Variants in PCDH9 observed in about 807,000 individuals in gnomAD.
The protein encoded by PCDH9 is protocadherin 9.
A neutral mutation model predicts 70.6 loss-of-function variants in PCDH9; 24 were observed. The observed-to-expected ratio is 0.34, with a 90% CI of 0.25 to 0.48. The LOEUF is 0.48. PCDH9 is among the 20% of genes least tolerant of loss of function. The pLI, the probability that PCDH9 is intolerant of heterozygous loss-of-function variation, is 0.99. For synonymous variants in PCDH9, 562 were observed against 558.5 expected, an observed-to-expected ratio of 1.01 and a Z score of -0.09; for missense variants, 1,281 against 1,503.6, an observed-to-expected ratio of 0.85 and a Z score of 2.45.
intron 2 of PCDH9, among the ~76,000 whole-genome samples, chr13:66,978,131 G>T (rs140923303): frequency 0.011 from 1,623 of 152,154 alleles, 14 homozygotes; most frequent in Middle Eastern, 0.017. Context: ...ATAGTTTCAG[G>T]TTATTGATAG....
chr13:67,102,480 A>G (rs186726039), intron 2 of PCDH9, among the ~76,000 whole-genome samples: 1 of 152,304 alleles, frequency 6.6e-6, no homozygotes, highest in East Asian at 1.9e-4. Context: ...TTTTAATACT[A>G]AATAACAAAA....
At chr13:67,133,777 A>T (rs1002184008) in intron 2 of PCDH9, among the ~76,000 whole-genome samples, 1 of 152,104 alleles carries the variant, frequency 6.6e-6, no homozygotes, top group Non-Finnish European at 1.5e-5. Flanking sequence ...AAAAATCTTA[A>T]TAGTTAAGGT....
chr13:66,778,818 T>C (rs933472328), intron 3 of PCDH9, among the ~76,000 whole-genome samples: 1 of 152,214 alleles, frequency 6.6e-6, no homozygotes, highest in African/African-American at 2.4e-5. Flanking sequence ...CAGATTTTTA[T>C]GTTGTTAGTG....
intron 2 of PCDH9, among the ~76,000 whole-genome samples, chr13:67,168,447 G>A (rs2088182885): frequency 6.6e-6 from 1 of 152,122 alleles, no homozygotes; most frequent in African/African-American, 2.4e-5. Context: ...GAAAGGTCAA[G>A]CCACGCACAG....
intron 2 of PCDH9, among the ~76,000 whole-genome samples, chr13:67,129,312 T>TTATATATATA (rs1308301062): frequency 2.0e-5 from 3 of 152,204 alleles, no homozygotes; most frequent in Non-Finnish European, 4.4e-5. Flanking sequence ...ATATTCATGG[T>TTATATATATA]AATTATGCCT....
At chr13:66,504,608 C>A (rs893918995) in intron 4 of PCDH9, among the ~76,000 whole-genome samples, 1 of 152,244 alleles carries the variant, frequency 6.6e-6, no homozygotes, top group Admixed American at 6.5e-5. Context: ...ATTCATACAT[C>A]GATAGACTGA....
intron 3 of PCDH9, chr13:66,825,151 T>C (rs1470022582): frequency 2.0e-5 from 3 of 151,792 alleles, no homozygotes; most frequent in Admixed American, 2.0e-4. Context: ...AATGTTCTCA[T>C]TTTATTTAGT....
chr13:67,015,717 G>A (rs541132657), intron 2 of PCDH9, among the ~76,000 whole-genome samples: 66 of 152,226 alleles, frequency 4.3e-4, no homozygotes, highest in Middle Eastern at 3.4e-3. Context: ...CTATTCAACT[G>A]CTTTACATGT....
intron 2 of PCDH9, among the ~76,000 whole-genome samples, chr13:66,919,986 T>C (rs542433340): frequency 9.8e-4 from 148 of 150,990 alleles, no homozygotes; most frequent in Non-Finnish European, 1.9e-3. Context: ...ATTCTTGAAA[T>C]ATATCCATGT....
chr13:66,855,184 G>A (rs1469567583), intron 3 of PCDH9, among the ~76,000 whole-genome samples: 2 of 152,068 alleles, frequency 1.3e-5, no homozygotes, highest in Non-Finnish European at 2.9e-5. Context: ...AAGATGACTT[G>A]TCTGTGCCCT....
chr13:66,761,109 G>T (rs555733519), intron 3 of PCDH9, among the ~76,000 whole-genome samples: 3 of 152,190 alleles, frequency 2.0e-5, no homozygotes, highest in Admixed American at 6.5e-5. Flanking sequence ...TGCCTTGGAA[G>T]CATGTGATCT....
At chr13:66,713,623 G>GCATATATA (rs1555324964) in intron 3 of PCDH9, among the ~76,000 whole-genome samples, 2 of 93,032 alleles carry the variant, frequency 2.1e-5, no homozygotes, top group African/African-American at 7.8e-5. Flanking sequence ...GTGTGTGTGT[G>GCATATATA]TGTATATATA....
intron 3 of PCDH9, among the ~76,000 whole-genome samples, chr13:66,858,228 G>A (rs1010683263): frequency 2.0e-5 from 3 of 151,974 alleles, no homozygotes; most frequent in African/African-American, 4.8e-5. Context: ...TAAATAACAA[G>A]CTCCATAAAC....
At chr13:66,540,429 G>T (rs1203098664) in intron 4 of PCDH9, among the ~76,000 whole-genome samples, 1 of 152,004 alleles carries the variant, frequency 6.6e-6, no homozygotes, top group African/African-American at 2.4e-5. Flanking sequence ...TAAGTTAAAG[G>T]TAACTTCTGC....
chr13:66,847,389 C>G (rs2081230314), intron 3 of PCDH9, among the ~76,000 whole-genome samples: 2 of 152,236 alleles, frequency 1.3e-5, no homozygotes, highest in South Asian at 4.1e-4. Context: ...TCTAAGATCC[C>G]TAGTGGGTGC....
chr13:66,661,943 G>A (rs1436308339), intron 3 of PCDH9, among the ~76,000 whole-genome samples: 1 of 152,020 alleles, frequency 6.6e-6, no homozygotes, highest in Non-Finnish European at 1.5e-5. Flanking sequence ...AAATAACTTA[G>A]GCTGACTTTC....
chr13:67,007,751 A>G (rs2084380369), intron 2 of PCDH9, among the ~76,000 whole-genome samples: 1 of 152,130 alleles, frequency 6.6e-6, no homozygotes, highest in African/African-American at 2.4e-5. Context: ...ATTTGTGTGA[A>G]CAAATCCCAG....
At chr13:66,659,242 C>T (rs975367414) in intron 3 of PCDH9, among the ~76,000 whole-genome samples, 1 of 152,136 alleles carries the variant, frequency 6.6e-6, no homozygotes, top group Non-Finnish European at 1.5e-5. Context: ...ATGTTTGTTT[C>T]ACTGTCAAAT....
chr13:66,561,546 A>G (rs769370967), intron 4 of PCDH9, among the ~76,000 whole-genome samples: 16 of 152,178 alleles, frequency 1.1e-4, no homozygotes, highest in Non-Finnish European at 2.1e-4. Context: ...AAATACATCA[A>G]TCGGCACTCT....
Sources: allele counts gnomAD v4.1 joint callset (sites outside exome capture counted in the v4.1 genomes callset), GRCh38; gene constraint gnomAD v4.1.1; transcripts MANE v1.5; gene names NCBI Gene and HGNC (gene_info 2026-07-23, HGNC 2026-07-21).